CEMIP: variants seen among roughly 807,000 people sequenced by gnomAD.
CEMIP encodes the protein cell migration-inducing and hyaluronan-binding protein.
CEMIP carries 105 observed loss-of-function variants against 156.9 expected under a neutral mutation model. The ratio of observed to expected loss-of-function variants is 0.67; its 90% CI spans 0.57 to 0.79. The LOEUF (loss-of-function observed/expected upper bound fraction) is 0.79. CEMIP is among the 30% of genes least tolerant of loss of function. The pLI, the probability that CEMIP is intolerant of heterozygous loss-of-function variation, is 0.00. For missense variants in CEMIP, 1,457 were observed against 1,769.4 expected (o/e 0.82, Z 3.17); for synonymous variants, 676 against 668.4 (o/e 1.01, Z -0.17).
chr15:80,835,281 G>T (rs1213094346), intron 1 of CEMIP, among the ~76,000 whole-genome samples: 1 of 152,146 alleles, frequency 6.6e-6, no homozygotes, highest in Non-Finnish European at 1.5e-5. Context: ...TGCTCCTACT[G>T]TCCTCTCTGC....
At chr15:80,941,432 G>A (rs1213688968) in intron 25 of CEMIP, among the ~76,000 whole-genome samples, 1 of 152,128 alleles carries the variant, frequency 6.6e-6, no homozygotes, top group Non-Finnish European at 1.5e-5. Context: ...TCCTCACCGG[G>A]CACAATGCTG....
At chr15:80,943,805 G>A (rs1177673351) in intron 28 of CEMIP, among the ~76,000 whole-genome samples, 1 of 152,024 alleles carries the variant, frequency 6.6e-6, no homozygotes, top group African/African-American at 2.4e-5. Flanking sequence ...GTCTCCTAAC[G>A]GGCCTCCCTC....
intron 15 of CEMIP, 65 bp downstream of exon 15, chr15:80,920,364 A>G: frequency 6.9e-7 from 1 of 1,452,182 alleles, no homozygotes; most frequent in Non-Finnish European, 9.5e-7. Flanking sequence ...GCATGTGTTC[A>G]CTCAGCTCAG....
chr15:80,901,693 A>C (rs558197537), intron 12 of CEMIP, among the ~76,000 whole-genome samples: 1 of 131,708 alleles, frequency 7.6e-6, no homozygotes, highest in African/African-American at 3.3e-5. Context: ...CAAGAGTGAG[A>C]CTTTGTCTCA....
chr15:80,811,642 C>T (rs1373693986), intron 1 of CEMIP, among the ~76,000 whole-genome samples: 1 of 152,238 alleles, frequency 6.6e-6, no homozygotes, highest in African/African-American at 2.4e-5. Context: ...GCAACTTCTG[C>T]CTCCCGGAGT....
intron 1 of CEMIP, among the ~76,000 whole-genome samples, chr15:80,861,136 T>G (rs1897976218): frequency 6.6e-6 from 1 of 152,136 alleles, no homozygotes; most frequent in Non-Finnish European, 1.5e-5. Context: ...CTGAGTTGTT[T>G]CCTGCCGTGT....
intron 1 of CEMIP, among the ~76,000 whole-genome samples, chr15:80,788,290 G>A (rs1328856027): frequency 6.6e-6 from 1 of 151,920 alleles, no homozygotes; most frequent in Non-Finnish European, 1.5e-5. Context: ...GGCCAACATG[G>A]TGAAATGCTG....
At chr15:80,797,901 G>T (rs1169640361) in intron 1 of CEMIP, among the ~76,000 whole-genome samples, 1 of 152,236 alleles carries the variant, frequency 6.6e-6, no homozygotes, top group Non-Finnish European at 1.5e-5. Flanking sequence ...GAAAGGAAAT[G>T]CTCCTTCATT....
rs1567107856 is a variant in CEMIP at position 80,932,069 on chromosome 15, CA to C, written c.2793+33del. On this transcript the variant is annotated intron_variant, in intron 22 of 29. Coordinates refer to ENST00000394685, the MANE Select transcript of CEMIP (RefSeq NM_001293298.2). This position sits in a 1 kb window ranked among gnomAD's most constrained non-coding sequence, Gnocchi z 4.5. Reference sequence around the variant, plus strand: ...GTGAGGCGCCAGGGCAGACTCCCGGCAAACCCAGACTTTGGATGGTGATTCA... The same window carrying C: ...GTGAGGCGCCAGGGCAGACTCCCGGCAACCCAGACTTTGGATGGTGATTCA... 1.2e-6 allele frequency: 2 copies of C among 1,608,392 alleles called. No individual in the cohort carries two copies. The highest frequency in any genetic ancestry group is 1.7e-5 in the Admixed American group (1 of 60,008).
At chr15:80,887,491 G>C (rs1191888855) in intron 7 of CEMIP, among the ~76,000 whole-genome samples, 2 of 152,128 alleles carry the variant, frequency 1.3e-5, no homozygotes, top group Non-Finnish European at 2.9e-5. Context: ...GCCAGGGAGC[G>C]AGAAAGCCCA....
chr15:80,837,067 T>A (rs12899741), intron 1 of CEMIP, among the ~76,000 whole-genome samples: 6 of 152,220 alleles, frequency 3.9e-5, no homozygotes, highest in African/African-American at 7.2e-5. Flanking sequence ...CTATTCTATC[T>A]GCAATCATCT....
intron 14 of CEMIP, among the ~76,000 whole-genome samples, chr15:80,914,497 T>C (rs958039288): frequency 4.6e-5 from 7 of 152,176 alleles, no homozygotes; most frequent in African/African-American, 1.7e-4. Flanking sequence ...GCCATCTATA[T>C]GGACTGCAGC....
intron 1 of CEMIP, among the ~76,000 whole-genome samples, chr15:80,801,298 C>T (rs977569273): frequency 6.6e-6 from 1 of 152,208 alleles, no homozygotes; most frequent in African/African-American, 2.4e-5. Context: ...TGTTTTGTAT[C>T]TATCGGCAGA....
At chr15:80,854,877 G>T (rs898859276) in intron 1 of CEMIP, among the ~76,000 whole-genome samples, 1 of 152,134 alleles carries the variant, frequency 6.6e-6, no homozygotes, top group Non-Finnish European at 1.5e-5. Context: ...CCCAGACCTG[G>T]AGAGCCACTA....
At chr15:80,880,861 A>C (rs1458881546) in intron 5 of CEMIP, 39 bp from the exon 6 acceptor site, 4 of 1,538,090 alleles carry the variant, frequency 2.6e-6, no homozygotes, top group Non-Finnish European at 3.6e-6. Context: ...CAGTAAAGAG[A>C]TGTGTCAGCC....
intron 14 of CEMIP, among the ~76,000 whole-genome samples, chr15:80,911,267 C>T (rs879071792): frequency 1.5e-4 from 23 of 152,212 alleles, no homozygotes; most frequent in Non-Finnish European, 2.6e-4. Context: ...ACACCTTTCT[C>T]ACACAGGGTG....
At chr15:80,885,322 G>A (rs1377312296) in intron 7 of CEMIP, among the ~76,000 whole-genome samples, 1 of 152,106 alleles carries the variant, frequency 6.6e-6, no homozygotes, top group Non-Finnish European at 1.5e-5. Flanking sequence ...AAATTCCCTG[G>A]GCAAGGGAGG....
rs759992944 is a variant in CEMIP, at chr15:80,895,010, T to C, written c.1107T>C (p.Val369=). ...IDIQATTMDG[V]NLSTEVVYKK... ...CCCAGGCCACTACAATGGATGGAGT[T>C]AACCTCAGCACCGAGGTTGTCTACA... Residue 369 remains valine (V), a synonymous_variant, in exon 11 of 30, where the codon GTT becomes GTC. Coordinates refer to ENST00000394685, the MANE Select transcript of CEMIP (RefSeq NM_001293298.2). 3 of 1,614,158 alleles carry C rather than the reference T, an allele frequency of 1.9e-6. No homozygotes were observed. Among genetic ancestry groups the C allele is most frequent in the South Asian group, 2.2e-5 (2 of 91,086 alleles).
chr15:80,871,598 C>T (rs1015948502), intron 1 of CEMIP, among the ~76,000 whole-genome samples: 2 of 152,170 alleles, frequency 1.3e-5, no homozygotes, highest in Non-Finnish European at 2.9e-5. Context: ...GCCTGCCTCC[C>T]ATACCCTGCC....
Sources: allele counts gnomAD v4.1 joint callset (sites outside exome capture counted in the v4.1 genomes callset), GRCh38; gene constraint gnomAD v4.1.1; non-coding constraint Gnocchi (gnomAD v3.1); transcripts MANE v1.5; gene names NCBI Gene and HGNC (gene_info 2026-07-23, HGNC 2026-07-21).